The following AK2 variants were observed in gnomAD, a reference collection of about 807,000 sequenced individuals.
AK2 encodes adenylate kinase 2, mitochondrial.
A neutral mutation model predicts 24.6 loss-of-function variants in AK2; 15 were observed. The observed-to-expected ratio is 0.61, with a 90% CI of 0.41 to 0.94. AK2 has a LOEUF of 0.94. Ranked by LOEUF, AK2 falls within the 40% of genes least tolerant of loss-of-function variation. The pLI is 0.00. For missense variants in AK2, 257 were observed against 304.1 expected (o/e 0.85, Z 1.15); for synonymous variants, 102 against 114.0 (o/e 0.90, Z 0.67).
chr1:33,026,996 C>T (rs573311045), intron 1 of AK2, among the ~76,000 whole-genome samples: 40 of 151,996 alleles, frequency 2.6e-4, no homozygotes, highest in Non-Finnish European at 4.4e-4. Flanking sequence ...CGTGCTGGCA[C>T]GTGCCTGTAA....
chr1:33,008,484 GTTC>G lies in AK2; in HGVS notation c.*4694_*4696del, dbSNP rs374547713. The G allele has an allele frequency of 1.5e-4, 69 of 454,100 alleles. No individual in the cohort carries two copies. The highest frequency in any genetic ancestry group is 1.3e-3 in the African/African-American group (63 of 50,118). The allele number at this position is 454,100 out of a possible 1,614,324, so 28.1% of individuals were successfully genotyped here. ...GCCGGCAGTGACTTCTTCAAAATCAGTTCCGGCAGCGCTGAGTGTCCATGGAAA... is the reference window on the plus strand; with the variant it reads ...GCCGGCAGTGACTTCTTCAAAATCAGCGGCAGCGCTGAGTGTCCATGGAAA... On this transcript the variant is annotated 3_prime_UTR_variant, in exon 6 of 6. Transcript: ENST00000672715.
At chr1:33,020,192 C>A (rs142307883) in intron 4 of AK2, 1 of 324,076 alleles carries the variant, frequency 3.1e-6, no homozygotes, top group East Asian at 8.4e-5. Flanking sequence ...TGTTAAAACA[C>A]ACACACACAC....
In AK2 at chr1:33,033,097, T is replaced by C. The variant is rs368953392; in HGVS notation, c.93+3639A>G. Reference sequence around the variant, plus strand: ...ATGGCGTGAATCCGGGAAGCAGAGCTTGCAGTGAGCCAAGATCACACCACT... The same window carrying C: ...ATGGCGTGAATCCGGGAAGCAGAGCCTGCAGTGAGCCAAGATCACACCACT... On this transcript the variant is annotated intron_variant, in intron 1 of 5. Transcript: ENST00000672715. Among the ~76,000 whole-genome samples, 75 of 150,902 alleles carry C rather than the reference T, an allele frequency of 5.0e-4. 1 individual carries two copies. The highest frequency in any genetic ancestry group is 1.8e-3 in the African/African-American group (74 of 40,960).
chr1:33,009,822 C>T lies in AK2; in HGVS notation c.*3359G>A. 1 of 454,440 alleles carries T rather than the reference C, an allele frequency of 2.2e-6. No individual in the cohort carries two copies. The highest frequency in any genetic ancestry group is 4.4e-6 in the Non-Finnish European group (1 of 226,782). The allele number at this position is 454,440 out of a possible 1,614,324, so 28.2% of individuals were successfully genotyped here. On this transcript the variant is annotated 3_prime_UTR_variant, in exon 6 of 6. Coordinates refer to ENST00000672715, the MANE Select transcript of AK2 (RefSeq NM_001625.4). Reference sequence around the variant, plus strand: ...TTGGACCTCCCTACCACACAGCTGCCAGCGACAAGAAAGGGCTTCTTTTCC... The same window carrying T: ...TTGGACCTCCCTACCACACAGCTGCTAGCGACAAGAAAGGGCTTCTTTTCC...
In AK2 at chr1:33,014,843, A is replaced by G. The variant is rs116459305; in HGVS notation, c.426-249T>C. ...GAGCAAACTGCTGGCATAACTACCT[A>G]ATTCAGGACTTGAGAGAAGGAACTC... On this transcript the variant is annotated intron_variant, in intron 4 of 5. Coordinates refer to ENST00000672715, the MANE Select transcript of AK2 (RefSeq NM_001625.4). Among the ~76,000 whole-genome samples the G allele has an allele frequency of 1.2e-3, 178 of 152,342 alleles. 2 individuals are homozygous for G. Among genetic ancestry groups the G allele is most frequent in the African/African-American group, 4.1e-3 (170 of 41,576 alleles).
At position 33,036,767 on chromosome 1, in the gene AK2, A is replaced by G. The variant is rs915278688; in HGVS notation, c.62T>C (p.Leu21Pro). ...CCCTTTACCGGCCCCGGGAGGCCCC[A>G]GCAGCACGGCCCGGATGCCTTTAGG... ...EYPKGIRAVL[L>P]GPPGAGKGTQ... Residue 21 changes from leucine to proline, a missense_variant, in exon 1 of 6, where the codon CTG becomes CCG. Leu to Pro is a moderately conservative substitution (Grantham distance 98). Coordinates refer to ENST00000672715, the MANE Select transcript of AK2 (RefSeq NM_001625.4). The G allele has an allele frequency of 6.3e-7, 1 of 1,598,506 alleles. No homozygotes were observed. Among genetic ancestry groups the G allele is most frequent in the African/African-American group, 1.3e-5 (1 of 74,666 alleles).
chr1:33,035,059 T>C (rs1269229129), intron 1 of AK2, among the ~76,000 whole-genome samples: 1 of 152,056 alleles, frequency 6.6e-6, no homozygotes, highest in East Asian at 1.9e-4. Flanking sequence ...AATGAAGCAT[T>C]TGAGCTACTG....
At position 33,012,705 on chromosome 1, in the gene AK2, T is replaced by C. The variant is rs1362225260; in HGVS notation, c.*476A>G. On this transcript the variant is annotated 3_prime_UTR_variant, in exon 6 of 6. Transcript: ENST00000672715. Reference sequence around the variant, plus strand: ...TAAGCCTAGGAGTTCAAGACCAGCCTGGGCAACTTGGCAAAATCCTGTCTC... The same window carrying C: ...TAAGCCTAGGAGTTCAAGACCAGCCCGGGCAACTTGGCAAAATCCTGTCTC... The C allele has an allele frequency of 7.9e-6, 9 of 1,138,444 alleles. No homozygotes were observed. The highest frequency in any genetic ancestry group is 3.2e-5 in the African/African-American group (2 of 62,716). The allele number at this position is 1,138,444 out of a possible 1,614,324, so 70.5% of individuals were successfully genotyped here.
rs1391106157 is a variant in AK2 at position 33,008,616 on chromosome 1, T to C, written c.*4565A>G. ...GGACGGATAAGTGTTAGAGACTGTG[T>C]TTCAGTCCTGACTGCCTCTTATGCA... On this transcript the variant is annotated 3_prime_UTR_variant, in exon 6 of 6. Transcript: ENST00000672715. 1 of 454,096 alleles carries C rather than the reference T, an allele frequency of 2.2e-6. No homozygotes were observed. Among genetic ancestry groups the C allele is most frequent in the Non-Finnish European group, 4.4e-6 (1 of 226,774 alleles). 28.1% of individuals were successfully genotyped at this position (454,096 alleles called of 1,614,324 possible).
chr1:33,015,638 C>T (rs1639136576), intron 4 of AK2, among the ~76,000 whole-genome samples: 1 of 152,228 alleles, frequency 6.6e-6, no homozygotes, highest in Non-Finnish European at 1.5e-5. Context: ...TGCCTGTGAT[C>T]CCAACACTTT....
At chr1:33,022,351 CT>C (rs397862465) in intron 2 of AK2, among the ~76,000 whole-genome samples, 4,824 of 112,382 alleles carry the variant, frequency 0.043, 39 homozygotes, top group East Asian at 0.057. Flanking sequence ...TCTTCCCTCA[CT>C]TTTTTTTTTT....
At chr1:33,027,995 A>T (rs1226413013) in intron 1 of AK2, among the ~76,000 whole-genome samples, 1 of 152,152 alleles carries the variant, frequency 6.6e-6, no homozygotes, top group Non-Finnish European at 1.5e-5. Context: ...GGTTCTTATG[A>T]GGATAAATGA....
At chr1:33,035,234 T>A (rs760482744) in intron 1 of AK2, among the ~76,000 whole-genome samples, 23 of 152,074 alleles carry the variant, frequency 1.5e-4, no homozygotes, top group Non-Finnish European at 2.6e-4. Context: ...CAAAGAAGAA[T>A]CATCTCAGTC....
rs1465653048 is a variant in AK2, at chr1:33,008,117, A to G, written c.*5064T>C. ...CTGGTTCCGGATGGTCAGTAAGACA[A>G]CTTTCTTCAATGCCTACATTTTCCC... On this transcript the variant is annotated 3_prime_UTR_variant, in exon 6 of 6. Transcript: ENST00000672715. The G allele has an allele frequency of 2.2e-6, 1 of 454,174 alleles. No individual in the cohort carries two copies. Among genetic ancestry groups the G allele is most frequent in the Non-Finnish European group, 4.4e-6 (1 of 226,828 alleles). The allele number at this position is 454,174 out of a possible 1,614,324, so 28.1% of individuals were successfully genotyped here. A position where few individuals can be genotyped will look rare whatever the true frequency, so the allele number is the denominator to read the frequency against.
Position 33,008,330 on chromosome 1 carries a change from G to A in AK2, c.*4851C>T, listed in dbSNP as rs1276011878. 4.4e-6 allele frequency: 2 copies of A among 453,948 alleles called. No homozygotes were observed. The highest frequency in any genetic ancestry group is 6.9e-5 in the East Asian group (1 of 14,410). The allele number at this position is 453,948 out of a possible 1,614,324, so 28.1% of individuals were successfully genotyped here. A position where few individuals can be genotyped will look rare whatever the true frequency, so the allele number is the denominator to read the frequency against. On this transcript the variant is annotated 3_prime_UTR_variant, in exon 6 of 6. Coordinates refer to ENST00000672715, the MANE Select transcript of AK2 (RefSeq NM_001625.4). ...GCTGTTGAAATCTGTCTTCTGACTC[G>A]TTGCTCTGTCTTCATCTGAGGAAAG...
chr1:33,008,004 AAT>A lies in AK2; in HGVS notation c.*5175_*5176del, dbSNP rs964098427. 6.6e-5 allele frequency: 30 copies of A among 453,714 alleles called. No homozygotes were observed. Among genetic ancestry groups the A allele is most frequent in the Non-Finnish European group, 2.6e-5 (6 of 226,742 alleles). 28.1% of individuals were successfully genotyped at this position (453,714 alleles called of 1,614,324 possible). A position where few individuals can be genotyped will look rare whatever the true frequency, so the allele number is the denominator to read the frequency against. ...GAACCTCTCACACAGCTAAGAATTTAATATGTTAGACTATTATTAATTATGAA... is the reference window on the plus strand; with the variant it reads ...GAACCTCTCACACAGCTAAGAATTTAATGTTAGACTATTATTAATTATGAA... On this transcript the variant is annotated 3_prime_UTR_variant, in exon 6 of 6. Transcript: ENST00000672715.
At chr1:33,015,658 AG>A (rs542012616) in intron 4 of AK2, among the ~76,000 whole-genome samples, 73 of 152,310 alleles carry the variant, frequency 4.8e-4, no homozygotes, top group South Asian at 1.5e-3. Context: ...TGGGAGGCTG[AG>A]GGGGGCAGAT....
intron 1 of AK2, chr1:33,030,891 A>C (rs1640195685): frequency 6.6e-6 from 1 of 152,270 alleles, no homozygotes; most frequent in African/African-American, 2.4e-5. Context: ...AAGGGAGCAC[A>C]AGGAGGATTT....
At position 33,032,128 on chromosome 1, in the gene AK2, T is replaced by C. The variant is rs115214150; in HGVS notation, c.93+4608A>G. On this transcript the variant is annotated intron_variant, in intron 1 of 5. Coordinates refer to ENST00000672715, the MANE Select transcript of AK2 (RefSeq NM_001625.4). ...ACATTACTGAGCAGGCACTAGGCACTAACCCCAGGTTAGGGATTTTACATG... is the reference window on the plus strand; with the variant it reads ...ACATTACTGAGCAGGCACTAGGCACCAACCCCAGGTTAGGGATTTTACATG... The C allele has an allele frequency of 5.5e-3, 896 of 162,980 alleles. 12 individuals are homozygous for C. Among genetic ancestry groups the C allele is most frequent in the African/African-American group, 0.021 (860 of 41,638 alleles). The allele number at this position is 162,980 out of a possible 1,614,324, so 10.1% of individuals were successfully genotyped here.
Sources: gnomAD v4.1 joint callset for allele counts (sites outside exome capture counted in the v4.1 genomes callset) on GRCh38, gnomAD v4.1.1 for gene constraint, MANE v1.5 for transcripts, NCBI Gene and HGNC (gene_info 2026-07-23, HGNC 2026-07-21) for gene names.